The following ELAPOR1 variants were observed in gnomAD, a reference collection of about 807,000 sequenced individuals.
The protein encoded by ELAPOR1 is endosome-lysosome associated apoptosis and autophagy regulator 1.
A neutral mutation model predicts 119.7 loss-of-function variants in ELAPOR1; 77 were observed. The ratio of observed to expected loss-of-function variants is 0.64; its 90% CI spans 0.54 to 0.78. The LOEUF (loss-of-function observed/expected upper bound fraction) is 0.78. Ranked by LOEUF, ELAPOR1 falls within the 30% of genes least tolerant of loss-of-function variation. The pLI is 0.00. For synonymous variants in ELAPOR1, 481 were observed against 487.2 expected (o/e 0.99, Z 0.17); for missense variants, 1,115 against 1,270.4 (o/e 0.88, Z 1.86).
At position 109,114,199 on chromosome 1, in the gene ELAPOR1, C is replaced by T; in HGVS notation, c.16C>T (p.His6Tyr). 1.2e-6 allele frequency: 2 copies of T among 1,601,610 alleles called. No homozygotes were observed. Among genetic ancestry groups the T allele is most frequent in the Non-Finnish European group, 8.5e-7 (1 of 1,173,962 alleles). Residue 6 changes from histidine to tyrosine, a missense_variant, in exon 1 of 22, where the codon CAC (histidine) becomes TAC (tyrosine). Transcript: ENST00000369939. ...GGACAACGCTATGGCTGAGCCTGGG[C>T]ACAGCCACCATCTCTCCGCCAGAGT... is the stretch of plus-strand genomic sequence containing the variant. The part of the protein sequence containing the change: MAEPG[H>Y]SHHLSARVRG...
At chr1:109,144,176 C>T (rs1256718290) in intron 1 of ELAPOR1, among the ~76,000 whole-genome samples, 1 of 149,666 alleles carries the variant, frequency 6.7e-6, no homozygotes, top group East Asian at 2.0e-4. Flanking sequence ...TCTCCTGCCT[C>T]AGCCTCTCGA....
At chr1:109,197,073 A>G (rs890745314) in intron 15 of ELAPOR1, among the ~76,000 whole-genome samples, 2 of 151,840 alleles carry the variant, frequency 1.3e-5, no homozygotes, top group Non-Finnish European at 2.9e-5. Context: ...AGACTGAGGC[A>G]GGAAGATTGC....
chr1:109,161,855 T>C (rs201671895), intron 1 of ELAPOR1, 39 bp from the exon 2 acceptor site: 1 of 1,587,252 alleles, frequency 6.3e-7, no homozygotes, highest in African/African-American at 1.3e-5. Context: ...GTTTGATCAC[T>C]GCTAATGCAC....
At chr1:109,191,177 G>T (rs111540669) in intron 11 of ELAPOR1, among the ~76,000 whole-genome samples, 189 bp from the exon 12 acceptor site, 195 of 152,252 alleles carry the variant, frequency 1.3e-3, no homozygotes, top group African/African-American at 4.5e-3. Flanking sequence ...CCATTTTACA[G>T]ATAAGGAAAC....
chr1:109,138,393 C>T (rs1002728963), intron 1 of ELAPOR1, among the ~76,000 whole-genome samples: 2 of 152,056 alleles, frequency 1.3e-5, no homozygotes, highest in African/African-American at 4.8e-5. Flanking sequence ...CAGTCACTGG[C>T]ACAGTTTTCA....
chr1:109,146,587 C>G (rs1199999082), intron 1 of ELAPOR1, among the ~76,000 whole-genome samples: 1 of 152,116 alleles, frequency 6.6e-6, no homozygotes, highest in Non-Finnish European at 1.5e-5. Flanking sequence ...TTTGAGAACC[C>G]ACTTTTCTAA....
intron 1 of ELAPOR1, among the ~76,000 whole-genome samples, chr1:109,127,721 C>T (rs1021132314): frequency 6.6e-6 from 1 of 152,082 alleles, no homozygotes; most frequent in Admixed American, 6.6e-5. Context: ...CATGTCACCA[C>T]ACTTGGCTAA....
intron 1 of ELAPOR1, among the ~76,000 whole-genome samples, chr1:109,130,599 G>A (rs1370028508): frequency 6.6e-6 from 1 of 151,684 alleles, no homozygotes; most frequent in Non-Finnish European, 1.5e-5. Flanking sequence ...CTGGCACCTC[G>A]GCCTCCCAAA....
At chr1:109,192,502 C>G (rs1464833465) in intron 13 of ELAPOR1, 109 bp from the exon 14 acceptor site, 1 of 1,171,432 alleles carries the variant, frequency 8.5e-7, no homozygotes, top group Non-Finnish European at 1.2e-6. Flanking sequence ...TCAGATTCTT[C>G]TTAAGTATCA....
intron 7 of ELAPOR1, among the ~76,000 whole-genome samples, chr1:109,176,350 C>T (rs2101069523): frequency 6.6e-6 from 1 of 152,260 alleles, no homozygotes; most frequent in East Asian, 1.9e-4. Flanking sequence ...ATCTTTTCCC[C>T]AGAAACACTC....
At position 109,200,890 on chromosome 1, in the gene ELAPOR1, T is replaced by C. The variant is rs540644104; in HGVS notation, c.2963T>C (p.Phe988Ser). ...KKSLFGKIKS[F>S]TSKRTPDGFD... ...TCACTCTTTGGGAAGATCAAATCATTTACCTCCAAGGTAGGGGTCCTGGCC... is the reference window on the plus strand; with the variant it reads ...TCACTCTTTGGGAAGATCAAATCATCTACCTCCAAGGTAGGGGTCCTGGCC... Residue 988 changes from phenylalanine to serine, a missense_variant, in exon 21 of 22, where the codon TTT becomes TCT. Physicochemically the swap from Phe to Ser is radical, Grantham distance 155 (BLOSUM62 -2). Transcript: ENST00000369939. 8.5e-5 allele frequency: 137 copies of C among 1,613,780 alleles called. 1 individual carries two copies. The Admixed American group carries it at 2.2e-3, about 26-fold the overall frequency.
intron 1 of ELAPOR1, among the ~76,000 whole-genome samples, chr1:109,122,157 C>T (rs1648468341): frequency 6.6e-6 from 1 of 150,696 alleles, no homozygotes; most frequent in African/African-American, 2.4e-5. Flanking sequence ...GCAGCCTGTG[C>T]CTGTCGGGTT....
intron 1 of ELAPOR1, 47 bp from the exon 2 acceptor site, chr1:109,161,847 T>C (rs370158511): frequency 4.9e-5 from 77 of 1,573,626 alleles, no homozygotes; most frequent in African/African-American, 1.1e-4. Flanking sequence ...CTGTTAATGT[T>C]TGATCACTGC....
intron 7 of ELAPOR1, among the ~76,000 whole-genome samples, chr1:109,176,602 T>C (rs553731028): frequency 4.6e-5 from 7 of 151,198 alleles, no homozygotes; most frequent in African/African-American, 7.3e-5. Context: ...TTTTCTTTTT[T>C]TTTCTTTTTT....
intron 1 of ELAPOR1, among the ~76,000 whole-genome samples, chr1:109,159,310 A>G (rs1469983529): frequency 6.6e-6 from 1 of 152,184 alleles, no homozygotes; most frequent in African/African-American, 2.4e-5. Context: ...ATGAGCATAT[A>G]TTGAAAGGGA....
At chr1:109,123,367 C>T (rs1361286997) in intron 1 of ELAPOR1, among the ~76,000 whole-genome samples, 4 of 152,168 alleles carry the variant, frequency 2.6e-5, no homozygotes, top group Non-Finnish European at 4.4e-5. Context: ...ACAAAGATAC[C>T]TACTTTACAG....
chr1:109,177,072 C>T (rs1489163624), intron 7 of ELAPOR1, among the ~76,000 whole-genome samples: 1 of 144,166 alleles, frequency 6.9e-6, no homozygotes, highest in South Asian at 2.2e-4. Context: ...CCTTTCTATT[C>T]CACAAAACCG....
At chr1:109,146,350 C>G (rs1223136785) in intron 1 of ELAPOR1, among the ~76,000 whole-genome samples, 1 of 151,610 alleles carries the variant, frequency 6.6e-6, no homozygotes, top group East Asian at 1.9e-4. Flanking sequence ...AATCTCGATT[C>G]AAAAATTAAG....
rs761658367 is a variant in ELAPOR1 at position 109,161,954 on chromosome 1, G to A, written c.214G>A (p.Val72Met). 14 of 1,613,940 alleles carry A rather than the reference G, an allele frequency of 8.7e-6. No homozygotes were observed. The highest frequency in any genetic ancestry group is 1.6e-4 in the Middle Eastern group (1 of 6,084). Residue 72 changes from valine (V) to methionine (M), a missense_variant, in exon 2 of 22, where the codon GTG becomes ATG. By Grantham distance (21) the Val-to-Met change is conservative. Coordinates refer to ENST00000369939, the MANE Select transcript of ELAPOR1 (RefSeq NM_020775.5). ...CACGGGTTCCAGGTGGAGGGTCGCC[G>A]TGCCGCATACCCCGGGCCTGTGCAC... ...DSTGSRWRVA[V>M]PHTPGLCTSL...
Sources: gnomAD v4.1 joint callset for allele counts (sites outside exome capture counted in the v4.1 genomes callset) on GRCh38, gnomAD v4.1.1 for gene constraint, MANE v1.5 for transcripts, NCBI Gene and HGNC (gene_info 2026-07-23, HGNC 2026-07-21) for gene names.